Variants in ZNF574 observed in about 807,000 individuals in gnomAD.
ZNF574 encodes zinc finger protein 574.
In ZNF574, 25 loss-of-function variants were observed where a neutral mutation model predicts 56.6. The ratio of observed to expected loss-of-function variants is 0.44; its 90% CI spans 0.32 to 0.62. The LOEUF (loss-of-function observed/expected upper bound fraction) is 0.62. Ranked by LOEUF, ZNF574 falls within the 20% of genes least tolerant of loss-of-function variation. The pLI is 0.04. For missense variants in ZNF574, 1,065 were observed against 1,218.9 expected (o/e 0.87, Z 1.88); for synonymous variants, 543 against 492.1 (o/e 1.10, Z -1.37).
At chr19:42,068,977 A>T (rs1282589744) in intron 1 of ZNF574, 2 of 574,646 alleles carry the variant, frequency 3.5e-6, no homozygotes, top group Admixed American at 5.9e-5. Flanking sequence ...TGAGAGCCCA[A>T]GTAAGAGCAA....
Position 42,079,481 on chromosome 19 carries a change from G to A in ZNF574, c.875G>A (p.Arg292Lys). 1 of 1,613,662 alleles carries A rather than the reference G, an allele frequency of 6.2e-7. No individual in the cohort carries two copies. Among genetic ancestry groups the A allele is most frequent in the South Asian group, 1.1e-5 (1 of 91,088 alleles). The part of the protein sequence containing the change: ...EAIGRDRRGR[R>K]ARRNNSGEAG... ...ATTGGGCGGGATCGCCGGGGGCGCA[G>A]GGCCCGGAGGAACAACAGTGGAGAA... is the stretch of plus-strand genomic sequence containing the variant. The change falls in exon 2 of 2, where the codon AGG becomes AAG. Residue 292 changes from arginine (R) to lysine (K), a missense_variant. Coordinates refer to ENST00000359044, the MANE Select transcript of ZNF574 (RefSeq NM_022752.6). This position sits in a 1 kb window ranked among gnomAD's most constrained non-coding sequence, Gnocchi z 4.3.
intron 1 of ZNF574, among the ~76,000 whole-genome samples, chr19:42,077,914 GA>G (rs1357970935): frequency 6.6e-6 from 1 of 152,090 alleles, no homozygotes; most frequent in Non-Finnish European, 1.5e-5. Flanking sequence ...GCCAGTGTGA[GA>G]AAATTTGACT....
chr19:42,080,550 A>G lies in ZNF574; in HGVS notation c.1944A>G (p.Ser648=), dbSNP rs1366558584. Residue 648 remains serine, a synonymous_variant, in exon 2 of 2, where the codon TCA becomes TCG. Coordinates refer to ENST00000359044, the MANE Select transcript of ZNF574 (RefSeq NM_022752.6). This position sits in a 1 kb window ranked among gnomAD's most constrained non-coding sequence, Gnocchi z 8.5. ...CPSCGAAFPS[S]LRLREHRCAA... ...CCTGTGGGGCTGCCTTCCCCTCCTC[A>G]CTGCGGCTCCGGGAGCACCGCTGTG... 1.2e-6 allele frequency: 2 copies of G among 1,612,682 alleles called. No individual in the cohort carries two copies. Among genetic ancestry groups the G allele is most frequent in the South Asian group, 1.1e-5 (1 of 91,014 alleles).
At position 42,079,402 on chromosome 19, in the gene ZNF574, C is replaced by T; in HGVS notation, c.796C>T (p.Pro266Ser). 1 of 1,613,700 alleles carries T rather than the reference C, an allele frequency of 6.2e-7. No individual in the cohort carries two copies. Among genetic ancestry groups the T allele is most frequent in the Non-Finnish European group, 8.5e-7 (1 of 1,180,030 alleles). ...ACCTGCAGAGGTGCCTGTGTCTCAG[C>T]CTGACCCCTTGCCAGCTTCTGACCA... Reference protein sequence around the residue: ...SSPAEVPVSQPDPLPASDHSY... With the variant: ...SSPAEVPVSQSDPLPASDHSY... The change falls in exon 2 of 2, where the codon CCT (proline) becomes TCT (serine). Residue 266 changes from proline (P) to serine (S), a missense_variant. By Grantham distance (74) the Pro-to-Ser change is moderately conservative (BLOSUM62 -1). Transcript: ENST00000359044. This position sits in a 1 kb window ranked among gnomAD's most constrained non-coding sequence, Gnocchi z 4.3.
intron 1 of ZNF574, among the ~76,000 whole-genome samples, chr19:42,069,974 G>A (rs1013446402): frequency 6.6e-6 from 1 of 152,184 alleles, no homozygotes; most frequent in African/African-American, 2.4e-5. Context: ...GGAGCAGGTG[G>A]AAGAGAAAGG....
chr19:42,078,739 G>C lies in ZNF574; in HGVS notation c.133G>C (p.Glu45Gln). 6.2e-7 allele frequency: 1 copy of C among 1,614,100 alleles called. No homozygotes were observed. Among genetic ancestry groups the C allele is most frequent in the Non-Finnish European group, 8.5e-7 (1 of 1,179,984 alleles). The change falls in exon 2 of 2, where the codon GAG becomes CAG. Residue 45 changes from glutamate (E) to glutamine (Q), a missense_variant. Glu to Gln is a conservative substitution (Grantham distance 29). Coordinates refer to ENST00000359044, the MANE Select transcript of ZNF574 (RefSeq NM_022752.6). ...QNSHVPQQHF[E>Q]LVGVADPGVT... is the part of the protein sequence containing the mutation. ...CTCCCACGTGCCCCAGCAGCACTTT[G>C]AGCTGGTGGGCGTGGCTGATCCCGG... is the stretch of plus-strand genomic sequence containing the variant.
chr19:42,075,986 G>T (rs1253446211), upstream of ZNF574, among the ~76,000 whole-genome samples: 3 of 152,238 alleles, frequency 2.0e-5, no homozygotes, highest in Admixed American at 6.5e-5. Flanking sequence ...CGACGCTAAA[G>T]GATTGGTTGG....
upstream of ZNF574, among the ~76,000 whole-genome samples, chr19:42,075,787 T>C (rs1488711147): frequency 1.6e-5 from 2 of 127,338 alleles, no homozygotes; most frequent in African/African-American, 2.5e-5. Context: ...TCCCCAACGC[T>C]GACTCCCTCA....
At position 42,079,824 on chromosome 19, in the gene ZNF574, C is replaced by T. The variant is rs771138086; in HGVS notation, c.1218C>T (p.Phe406=). ...AGACCTTTGTCAACCTTACCAAGTT[C>T]CTTTATCACCGGCGTACTCATGGGG... ...CGKTFVNLTK[F]LYHRRTHGVG... Residue 406 remains phenylalanine, a synonymous_variant, in exon 2 of 2, where the codon TTC becomes TTT. Coordinates refer to ENST00000359044, the MANE Select transcript of ZNF574 (RefSeq NM_022752.6). The surrounding 1 kb of genome is among the most constrained non-coding windows in gnomAD (Gnocchi z 4.3). 6.8e-6 allele frequency: 11 copies of T among 1,614,080 alleles called. No homozygotes were observed. In the Admixed American group the frequency reaches 1.7e-4, roughly 24 times the overall value.
rs767599339 is a variant in ZNF574, at chr19:42,079,106, T to G, written c.500T>G (p.Val167Gly). 7 of 1,614,108 alleles carry G rather than the reference T, an allele frequency of 4.3e-6. No homozygotes were observed. The highest frequency in any genetic ancestry group is 5.9e-6 in the Non-Finnish European group (7 of 1,179,988). Residue 167 changes from valine to glycine, a missense_variant, in exon 2 of 2, where the codon GTT becomes GGT. By Grantham distance (109) the Val-to-Gly change is moderately radical. Coordinates refer to ENST00000359044, the MANE Select transcript of ZNF574 (RefSeq NM_022752.6). The surrounding 1 kb of genome is among the most constrained non-coding windows in gnomAD (Gnocchi z 4.3). ...PAPVVLGSPV[V>G]LGPPVGQARV... Reference sequence around the variant, plus strand: ...CCTGTTGTCCTGGGGTCCCCAGTTGTTCTAGGGCCTCCTGTGGGCCAGGCC... The same window carrying G: ...CCTGTTGTCCTGGGGTCCCCAGTTGGTCTAGGGCCTCCTGTGGGCCAGGCC...
chr19:42,079,529 A>C lies in ZNF574; in HGVS notation c.923A>C (p.Glu308Ala). 6.2e-7 allele frequency: 1 copy of C among 1,613,934 alleles called. No individual in the cohort carries two copies. The highest frequency in any genetic ancestry group is 1.1e-5 in the South Asian group (1 of 91,088). ...GAAGCAGGCGGGGCAGCCACACAGG[A>C]GCTCTTCTGCTCAGCCTGTGACCAG... ...SGEAGGAATQ[E>A]LFCSACDQLF... Residue 308 changes from glutamate to alanine, a missense_variant, in exon 2 of 2, where the codon GAG becomes GCG. By Grantham distance (107) the Glu-to-Ala change is moderately radical (BLOSUM62 -1). Coordinates refer to ENST00000359044, the MANE Select transcript of ZNF574 (RefSeq NM_022752.6). The surrounding 1 kb of genome is among the most constrained non-coding windows in gnomAD (Gnocchi z 4.3).
chr19:42,077,084 CTG>C (rs2146211286), intron 1 of ZNF574, among the ~76,000 whole-genome samples: 1 of 152,018 alleles, frequency 6.6e-6, no homozygotes, highest in Non-Finnish European at 1.5e-5. Flanking sequence ...TGGGAGAGAT[CTG>C]TGTGCTAAAG....
rs149369628 is a variant in ZNF574, at chr19:42,077,617, G to A, written c.-20-970G>A. ...TAAATCAATGGGAAGAGGGGATCTG[G>A]GTATCTCAGAGGGGATTAGAATTGT... On this transcript the variant is annotated intron_variant, in intron 1 of 1. Coordinates refer to ENST00000359044, the MANE Select transcript of ZNF574 (RefSeq NM_022752.6). Among the ~76,000 whole-genome samples, 336 of 152,156 alleles carry A rather than the reference G, an allele frequency of 2.2e-3. 1 individual carries two copies. The highest frequency in any genetic ancestry group is 7.8e-3 in the African/African-American group (325 of 41,486).
chr19:42,069,653 G>A (rs1045106230), intron 1 of ZNF574, among the ~76,000 whole-genome samples: 2 of 151,196 alleles, frequency 1.3e-5, no homozygotes, highest in East Asian at 2.0e-4. Flanking sequence ...GGGCCGGCCT[G>A]GGGGGGCCAC....
intron 1 of ZNF574, among the ~76,000 whole-genome samples, chr19:42,078,317 A>C (rs955671271): frequency 6.6e-6 from 1 of 152,102 alleles, no homozygotes; most frequent in Non-Finnish European, 1.5e-5. Context: ...TGGACAGGTT[A>C]CAAGGATCTG....
Position 42,068,770 on chromosome 19 carries a change from G to GC in ZNF574, c.62dup (p.Arg22LysfsTer72). The GC allele has an allele frequency of 1.8e-6, 1 of 547,980 alleles. No homozygotes were observed. Among genetic ancestry groups the GC allele is most frequent in the Non-Finnish European group, 3.3e-6 (1 of 302,544 alleles). The allele number at this position is 547,980 out of a possible 1,614,324, so 33.9% of individuals were successfully genotyped here. ...AGAAGTTGGGCAGAGTCAGAGAGGG[G>GC]CCCAAGAGACACAGGAAATGGGGGC... is the stretch of plus-strand genomic sequence containing the variant. On this transcript the variant is annotated frameshift_variant, in exon 1 of 2. Transcript: ENST00000222339. LOFTEE classifies it high-confidence loss of function.
At chr19:42,075,816 G>T (rs1434690391), upstream of ZNF574, among the ~76,000 whole-genome samples, 1 of 151,932 alleles carries the variant, frequency 6.6e-6, no homozygotes, top group Non-Finnish European at 1.5e-5. Context: ...CCAAAATGGC[G>T]CCCGCGGCCG....
chr19:42,074,116 G>A (rs1340888497), upstream of ZNF574, among the ~76,000 whole-genome samples: 1 of 145,430 alleles, frequency 6.9e-6, no homozygotes, highest in Non-Finnish European at 1.5e-5. Context: ...CTGGGCGGTG[G>A]GCGACAGAGT....
At chr19:42,078,225 A>G (rs1367223950) in intron 1 of ZNF574, among the ~76,000 whole-genome samples, 2 of 152,078 alleles carry the variant, frequency 1.3e-5, no homozygotes, top group African/African-American at 4.8e-5. Flanking sequence ...AAAAGGAGTC[A>G]GTGGAAGGAG....
Sources: gnomAD v4.1 joint callset for allele counts (sites outside exome capture counted in the v4.1 genomes callset) on GRCh38, gnomAD v4.1.1 for gene constraint, Gnocchi (gnomAD v3.1) non-coding constraint, MANE v1.5 for transcripts, NCBI Gene and HGNC (gene_info 2026-07-23, HGNC 2026-07-21) for gene names.